The following TRAPPC8 variants were observed in gnomAD, a reference collection of about 807,000 sequenced individuals.
The protein encoded by TRAPPC8 is general sporulation gene 1 homolog.
Under a neutral mutation model 174.3 loss-of-function variants are expected in TRAPPC8, and 54 were observed. The ratio of observed to expected loss-of-function variants is 0.31; its 90% confidence interval spans 0.25 to 0.39. The LOEUF (loss-of-function observed/expected upper bound fraction) is 0.39. Among genes scored for constraint, TRAPPC8 ranks in the 10% least tolerant of loss-of-function variants. TRAPPC8 has a pLI of 1.00. For missense variants in TRAPPC8, 1,531 were observed against 1,699.1 expected (o/e 0.90, Z 1.74); for synonymous variants, 630 against 579.9 (o/e 1.09, Z -1.24).
At chr18:31,897,966 AG>A in intron 10 of TRAPPC8, 75 bp from the exon 11 acceptor site, 11 of 1,291,824 alleles carry the variant, frequency 8.5e-6, no homozygotes, top group Non-Finnish European at 1.2e-5. Context: ...GTTCAGCAAA[AG>A]ATTCCAATTA....
rs748421027 is a variant in TRAPPC8 at position 31,857,962 on chromosome 18, A to G, written c.2766T>C (p.Pro922=). ...PLLEVFFIHF[P]TGLLCGEIRK... ...GGATTTCTCCACAGAGAAGCCCTGT[A>G]GGAAAATGTATAAAGAACACCTGCA... is the stretch of plus-strand genomic sequence containing the variant. Residue 922 remains proline (P), a synonymous_variant, in exon 20 of 29, where the codon CCT becomes CCC. Coordinates refer to ENST00000283351, the MANE Select transcript of TRAPPC8 (RefSeq NM_014939.5). 6.2e-7 allele frequency: 1 copy of G among 1,610,112 alleles called. No individual in the cohort carries two copies. Among genetic ancestry groups the G allele is most frequent in the Non-Finnish European group, 8.5e-7 (1 of 1,178,370 alleles).
At chr18:31,842,614 T>C (rs1262152111) in intron 26 of TRAPPC8, among the ~76,000 whole-genome samples, 1 of 152,254 alleles carries the variant, frequency 6.6e-6, no homozygotes, top group African/African-American at 2.4e-5. Context: ...ACTCCCCTAC[T>C]GATGGACAGT....
intron 16 of TRAPPC8, among the ~76,000 whole-genome samples, chr18:31,868,945 G>A (rs1285218876): frequency 6.6e-6 from 1 of 150,694 alleles, no homozygotes; most frequent in African/African-American, 2.4e-5. Context: ...AGGCAATCTT[G>A]AAAAAATCAA....
intron 1 of TRAPPC8, among the ~76,000 whole-genome samples, chr18:31,934,025 C>T (rs988232142): frequency 6.6e-6 from 1 of 151,902 alleles, no homozygotes; most frequent in African/African-American, 2.4e-5. Flanking sequence ...CCCATCTCTA[C>T]TAAAATACAA....
intron 9 of TRAPPC8, among the ~76,000 whole-genome samples, chr18:31,903,671 C>A (rs1404541166): frequency 6.6e-6 from 1 of 152,150 alleles, no homozygotes; most frequent in East Asian, 1.9e-4. Context: ...ATAGACAGTG[C>A]AAAGACCATT....
chr18:31,851,000 C>T (rs181372369), intron 24 of TRAPPC8, among the ~76,000 whole-genome samples: 68 of 152,234 alleles, frequency 4.5e-4, no homozygotes, highest in Non-Finnish European at 5.9e-5. Flanking sequence ...TTTGAAATTA[C>T]TGAGCTTTTG....
At position 31,853,859 on chromosome 18, in the gene TRAPPC8, A is replaced by G. The variant is rs747368025; in HGVS notation, c.3423T>C (p.Ser1141=). ...GAAAAACAAACAAACCTTTGTTTTC[A>G]GAAAGATTTACAGATTTCTGTAACT... The part of the protein sequence containing the change: ...HWKLQKSVNL[S]ENKDTKLASR... The change falls in exon 22 of 29, where the codon TCT becomes TCC. Residue 1141 remains serine, a synonymous_variant. Transcript: ENST00000283351. The G allele has an allele frequency of 2.5e-6, 4 of 1,604,876 alleles. No homozygotes were observed. The highest frequency in any genetic ancestry group is 3.4e-6 in the Non-Finnish European group (4 of 1,178,020).
rs1283733220 is a variant in TRAPPC8 at position 31,857,655 on chromosome 18, G to C, written c.3073C>G (p.Leu1025Val). The change falls in exon 20 of 29, where the codon CTA becomes GTA. Residue 1025 changes from leucine to valine, a missense_variant. Leu to Val is a conservative substitution (Grantham distance 32, BLOSUM62 1). Coordinates refer to ENST00000283351, the MANE Select transcript of TRAPPC8 (RefSeq NM_014939.5). ...IPVPLPDTVL[L>V]PGASVQLPMW... ...GGCAGCTGCACTGAGGCTCCGGGTA[G>C]AAGAACAGTGTCAGGAAGGGGAACA... 1 of 1,614,070 alleles carries C rather than the reference G, an allele frequency of 6.2e-7. No homozygotes were observed. Among genetic ancestry groups the C allele is most frequent in the East Asian group, 2.2e-5 (1 of 44,892 alleles).
intron 27 of TRAPPC8, among the ~76,000 whole-genome samples, chr18:31,836,705 G>A (rs1401358243): frequency 2.0e-5 from 3 of 151,662 alleles, no homozygotes; most frequent in Admixed American, 6.6e-5. Flanking sequence ...CCCTACTCTG[G>A]GCCAATCAAA....
At chr18:31,877,781 G>C (rs1302968222) in intron 12 of TRAPPC8, among the ~76,000 whole-genome samples, 4 of 151,884 alleles carry the variant, frequency 2.6e-5, no homozygotes, top group Non-Finnish European at 5.9e-5. Flanking sequence ...AAATTAGCCA[G>C]GCGTGGTGGC....
intron 26 of TRAPPC8, among the ~76,000 whole-genome samples, chr18:31,839,992 G>C (rs753967560): frequency 1.3e-5 from 2 of 152,124 alleles, no homozygotes; most frequent in African/African-American, 2.4e-5. Flanking sequence ...AGGTTAAAAT[G>C]CACGTAAAAA....
intron 12 of TRAPPC8, among the ~76,000 whole-genome samples, chr18:31,879,972 A>T (rs996440367): frequency 3.3e-4 from 38 of 116,892 alleles, no homozygotes; most frequent in African/African-American, 1.2e-3. Flanking sequence ...ATCAGTAATT[A>T]AAAAAAAAAA....
intron 11 of TRAPPC8, among the ~76,000 whole-genome samples, 170 bp downstream of exon 11, chr18:31,897,616 A>T (rs1300866666): frequency 6.6e-6 from 1 of 152,214 alleles, no homozygotes; most frequent in Non-Finnish European, 1.5e-5. Flanking sequence ...ATAAAAAATT[A>T]CATTTAAAAT....
Position 31,867,410 on chromosome 18 carries a change from A to T in TRAPPC8, c.2455T>A (p.Ser819Thr). 1.2e-6 allele frequency: 2 copies of T among 1,606,106 alleles called. No homozygotes were observed. The highest frequency in any genetic ancestry group is 1.7e-6 in the Non-Finnish European group (2 of 1,173,626). Residue 819 changes from serine (S) to threonine (T), a missense_variant, in exon 17 of 29, where the codon TCA becomes ACA. Coordinates refer to ENST00000283351, the MANE Select transcript of TRAPPC8 (RefSeq NM_014939.5). Reference protein sequence around the residue: ...ISEFLINGEESKVARLKLFPH... With the variant: ...ISEFLINGEETKVARLKLFPH... Reference sequence around the variant, plus strand: ...AATGATAAAATAATTACCACTTTTGATTCTTCGCCATTAATTAAGAACTCT... The same window carrying T: ...AATGATAAAATAATTACCACTTTTGTTTCTTCGCCATTAATTAAGAACTCT...
chr18:31,905,908 A>G (rs1482750511), intron 9 of TRAPPC8, among the ~76,000 whole-genome samples: 1 of 152,184 alleles, frequency 6.6e-6, no homozygotes, highest in East Asian at 1.9e-4. Flanking sequence ...ACAAATGCAT[A>G]CCTAGGTTAT....
chr18:31,884,026 T>TC (rs1191143741), intron 12 of TRAPPC8, among the ~76,000 whole-genome samples: 2 of 151,940 alleles, frequency 1.3e-5, no homozygotes, highest in African/African-American at 2.4e-5. Context: ...CCATCTCTAT[T>TC]AAAAATACAA....
At chr18:31,874,727 A>C (rs748766981) in intron 12 of TRAPPC8, 23 bp from the exon 13 acceptor site, 2 of 1,599,038 alleles carry the variant, frequency 1.3e-6, no homozygotes, top group Non-Finnish European at 1.7e-6. Context: ...AAACAAAATA[A>C]TGTATTATAC....
intron 11 of TRAPPC8, among the ~76,000 whole-genome samples, chr18:31,897,037 C>T (rs2036212823): frequency 6.6e-6 from 1 of 152,088 alleles, no homozygotes; most frequent in Non-Finnish European, 1.5e-5. Flanking sequence ...AGATCATCCC[C>T]AAAACGTAAA....
At position 31,857,576 on chromosome 18, in the gene TRAPPC8, A is replaced by C; in HGVS notation, c.3152T>G (p.Phe1051Cys). The C allele has an allele frequency of 6.2e-7, 1 of 1,607,456 alleles. No individual in the cohort carries two copies. Residue 1051 changes from phenylalanine to cysteine, a missense_variant, in exon 20 of 29, where the codon TTT (phenylalanine) becomes TGT (cysteine). Transcript: ENST00000283351. ...CTGCTTTTTGACACTTTCATAGTAA[A>C]ACAAAAAGTTAATTTCATGGACACC... ...EEGVHEINFLFYYESVKKQPK... is the reference protein window; with the variant it reads ...EEGVHEINFLCYYESVKKQPK...
Sources: gnomAD v4.1 joint callset for allele counts (sites outside exome capture counted in the v4.1 genomes callset) on GRCh38, gnomAD v4.1.1 for gene constraint, MANE v1.5 for transcripts, NCBI Gene and HGNC (gene_info 2026-07-23, HGNC 2026-07-21) for gene names.